STK10: variants seen among roughly 807,000 people sequenced by gnomAD.
STK10 encodes serine/threonine-protein kinase 10.
In STK10, 78 loss-of-function variants were observed where a neutral mutation model predicts 113.8. That is an observed-to-expected ratio of 0.69 (90% CI 0.57 to 0.83). STK10 has a LOEUF of 0.83. Ranked by LOEUF, STK10 falls within the 40% of genes least tolerant of loss-of-function variation. The pLI is 0.00. For missense variants in STK10, 1,109 were observed against 1,280.1 expected (o/e 0.87, Z 2.04); for synonymous variants, 465 against 494.7 (o/e 0.94, Z 0.80).
chr5:172,065,341 A>T lies in STK10; in HGVS notation c.1990-529T>A, dbSNP rs144527669. ...ATGGAATCAAGCAATTCTCCTGCCT[A>T]AGCCTTCCAAGTAGCTGGCATTACA... On this transcript the variant is annotated intron_variant, in intron 12 of 18. Coordinates refer to ENST00000176763, the MANE Select transcript of STK10 (RefSeq NM_005990.4). 5.9e-3 allele frequency among the ~76,000 whole-genome samples: 802 copies of T among 136,552 alleles called. 10 individuals are homozygous for T. The highest frequency in any genetic ancestry group is 0.021 in the African/African-American group (742 of 35,802). 89.6% of individuals were successfully genotyped at this position (136,552 alleles called of 152,430 possible).
chr5:172,177,276 C>T (rs1257338542), intron 1 of STK10, among the ~76,000 whole-genome samples: 1 of 152,232 alleles, frequency 6.6e-6, no homozygotes, highest in Non-Finnish European at 1.5e-5. Flanking sequence ...AGCAGGCCCT[C>T]GTTAGACACC....
intron 16 of STK10, 122 bp downstream of exon 16, chr5:172,055,466 A>G: frequency 9.4e-7 from 1 of 1,067,118 alleles, no homozygotes; most frequent in Non-Finnish European, 1.2e-6. Context: ...TTGGGATTAC[A>G]GACGTGAGCC....
chr5:172,117,454 C>G (rs752304029), intron 4 of STK10, 27 bp downstream of exon 4: 21 of 1,607,228 alleles, frequency 1.3e-5, no homozygotes, highest in Non-Finnish European at 1.8e-5. Flanking sequence ...CCCTGTGGCT[C>G]CACCTTTCCC....
Position 172,141,957 on chromosome 5 carries a change from G to A in STK10, c.322-14536C>T, listed in dbSNP as rs139912352. Among the ~76,000 whole-genome samples the A allele has an allele frequency of 2.1e-3, 314 of 152,280 alleles. 2 individuals carry two copies. The highest frequency in any genetic ancestry group is 7.3e-3 in the African/African-American group (305 of 41,550). ...GGCCGCAACACCTCTAAGGTAACTC[G>A]TCCATTCATTCATAAATTTATCAGG... On this transcript the variant is annotated intron_variant, in intron 2 of 18. Transcript: ENST00000176763.
In STK10 at chr5:172,106,624, T is replaced by TA; in HGVS notation, c.783dup (p.Lys262Ter). The TA allele has an allele frequency of 1.2e-6, 2 of 1,611,652 alleles. No individual in the cohort carries two copies. The highest frequency in any genetic ancestry group is 1.7e-6 in the Non-Finnish European group (2 of 1,179,534). ...GGCCCTGCCCCTGCCCCTCACCACT[T>TA]AGAGGGCGTGAGCAGCGTGGGAGGG... is the stretch of plus-strand genomic sequence containing the variant. On this transcript the variant is annotated frameshift_variant, in exon 6 of 19. Transcript: ENST00000176763. LOFTEE classifies it high-confidence loss of function.
intron 2 of STK10, 42 bp downstream of exon 2, chr5:172,156,582 G>A (rs375034317): frequency 6.3e-7 from 1 of 1,590,160 alleles, no homozygotes; most frequent in African/African-American, 1.3e-5. Context: ...AGAGCACCAG[G>A]CCATGGGGGC....
chr5:172,119,013 C>A (rs1469051014), intron 3 of STK10, among the ~76,000 whole-genome samples: 1 of 151,758 alleles, frequency 6.6e-6, no homozygotes, highest in African/African-American at 2.4e-5. Flanking sequence ...GTGGTGGCAC[C>A]AGGGTATGCG....
In STK10 at chr5:172,044,786, C is replaced by T. The variant is rs528257124; in HGVS notation, c.*96G>A. 129 of 1,596,494 alleles carry T rather than the reference C, an allele frequency of 8.1e-5. No individual in the cohort carries two copies. In the African/African-American group the frequency reaches 1.6e-3, roughly 20 times the overall value. On this transcript the variant is annotated 3_prime_UTR_variant, in exon 19 of 19. Coordinates refer to ENST00000176763, the MANE Select transcript of STK10 (RefSeq NM_005990.4). This position sits in a 1 kb window ranked among gnomAD's most constrained non-coding sequence, Gnocchi z 4.5. ...GGCTGGATTTGAGCTGGCACAGACG[C>T]AAGAGGGAAAAGGGGTCCTGAGTTA...
rs553278375 is a variant in STK10, at chr5:172,100,817, T to G, written c.871-4257A>C. Among the ~76,000 whole-genome samples the G allele has an allele frequency of 2.0e-5, 3 of 152,168 alleles. No homozygotes were observed. In the East Asian group the frequency reaches 5.8e-4, roughly 29 times the overall value. On this transcript the variant is annotated intron_variant, in intron 7 of 18. Transcript: ENST00000176763. ...AAATAAAAATAAGAATAAAAACACC[T>G]AATAATGCTCGCAGTTTTCAGGCGC... is the stretch of plus-strand genomic sequence containing the variant.
intron 12 of STK10, among the ~76,000 whole-genome samples, chr5:172,081,690 C>G (rs1021612552): frequency 5.3e-5 from 8 of 152,162 alleles, no homozygotes; most frequent in African/African-American, 7.2e-5. Context: ...GGACCACCCT[C>G]AGAGGCTGCT....
chr5:172,106,772 C>T lies in STK10; in HGVS notation c.636G>A (p.Thr212=). The change falls in exon 6 of 19, where the codon ACG becomes ACA. Residue 212 remains threonine (T), a synonymous_variant. Transcript: ENST00000176763. ...EVVMCETMKD[T]PYDYKADIWS... The stretch of plus-strand genomic sequence containing the variant: ...AGATGTCGGCTTTGTAGTCGTAGGG[C>T]GTGTCTTTCATGGTCTCACACATGA... The T allele has an allele frequency of 6.2e-7, 1 of 1,614,134 alleles. No homozygotes were observed. The highest frequency in any genetic ancestry group is 1.1e-5 in the South Asian group (1 of 91,076).
chr5:172,103,038 G>T (rs939227545), intron 7 of STK10, among the ~76,000 whole-genome samples: 26 of 152,230 alleles, frequency 1.7e-4, no homozygotes, highest in African/African-American at 6.0e-4. Context: ...AACCAATGGG[G>T]GCGTGAATCA....
chr5:172,080,913 T>A (rs912093944), intron 12 of STK10, among the ~76,000 whole-genome samples: 16 of 152,240 alleles, frequency 1.1e-4, no homozygotes, highest in African/African-American at 3.9e-4. Flanking sequence ...AAATGCCATC[T>A]AGGACTCTCA....
chr5:172,160,135 CA>C (rs370080458), intron 1 of STK10, among the ~76,000 whole-genome samples: 10 of 129,144 alleles, frequency 7.7e-5, no homozygotes, highest in Admixed American at 8.2e-5. Context: ...GACTCTGTCT[CA>C]AAAAAAAAAG....
rs114866832 is a variant in STK10, at chr5:172,133,567, T to C, written c.322-6146A>G. Among the ~76,000 whole-genome samples, 1,065 of 152,242 alleles carry C rather than the reference T, an allele frequency of 7.0e-3. 14 individuals are homozygous for C. Among genetic ancestry groups the C allele is most frequent in the African/African-American group, 0.024 (991 of 41,542 alleles). On this transcript the variant is annotated intron_variant, in intron 2 of 18. Coordinates refer to ENST00000176763, the MANE Select transcript of STK10 (RefSeq NM_005990.4). This position sits in a 1 kb window ranked among gnomAD's most constrained non-coding sequence, Gnocchi z 4.9. ...TAAGCTGGTGAGTTGTGCTTGATGGTGTGGAATGCCACGTCGTCTCACTCT... is the reference window on the plus strand; with the variant it reads ...TAAGCTGGTGAGTTGTGCTTGATGGCGTGGAATGCCACGTCGTCTCACTCT...
chr5:172,154,162 C>T (rs138806887), intron 2 of STK10, among the ~76,000 whole-genome samples: 189 of 152,308 alleles, frequency 1.2e-3, no homozygotes, highest in Non-Finnish European at 2.0e-3. Flanking sequence ...TACCTTAAAA[C>T]GCCAATTGCT....
At chr5:172,173,728 A>G (rs1206119602) in intron 1 of STK10, among the ~76,000 whole-genome samples, 3 of 152,132 alleles carry the variant, frequency 2.0e-5, no homozygotes, top group African/African-American at 7.2e-5. Context: ...GCAAGGGAGG[A>G]GTTCAGGGCC....
Position 172,093,335 on chromosome 5 carries a change from T to C in STK10, c.1554+77A>G. On this transcript the variant is annotated intron_variant, in intron 9 of 18. Transcript: ENST00000176763. This position sits in a 1 kb window ranked among gnomAD's most constrained non-coding sequence, Gnocchi z 4.1. Reference sequence around the variant, plus strand: ...AAAATGCAAGGAAGCCCCTAAATGCTTTTGAAACCAAAATGGAGCCACAGA... The same window carrying C: ...AAAATGCAAGGAAGCCCCTAAATGCCTTTGAAACCAAAATGGAGCCACAGA... 6.7e-7 allele frequency: 1 copy of C among 1,491,078 alleles called. No individual in the cohort carries two copies. Among genetic ancestry groups the C allele is most frequent in the African/African-American group, 1.4e-5 (1 of 71,318 alleles). 92.4% of individuals were successfully genotyped at this position (1,491,078 alleles called of 1,614,324 possible).
intron 15 of STK10, chr5:172,057,136 C>T (rs1020524279): frequency 5.1e-6 from 3 of 588,322 alleles, no homozygotes; most frequent in East Asian, 6.3e-5. Context: ...CATTGGCTTC[C>T]CTGCATCGTT....
Sources: allele counts gnomAD v4.1 joint callset (sites outside exome capture counted in the v4.1 genomes callset), GRCh38; gene constraint gnomAD v4.1.1; non-coding constraint Gnocchi (gnomAD v3.1); transcripts MANE v1.5; gene names NCBI Gene and HGNC (gene_info 2026-07-23, HGNC 2026-07-21).